Variants in FAM120A observed in about 807,000 individuals in gnomAD.
FAM120A encodes family with sequence similarity 120 member A, also known as constitutive coactivator of PPAR-gamma-like protein 1.
In FAM120A, 15 loss-of-function variants were observed where a neutral mutation model predicts 109.7. That is an observed-to-expected ratio of 0.14 (90% CI 0.09 to 0.21). The LOEUF is 0.21. Ranked by LOEUF, FAM120A falls within the 10% of genes least tolerant of loss-of-function variation. FAM120A has a pLI of 1.00. For synonymous variants in FAM120A, 493 were observed against 572.8 expected (o/e 0.86, Z 1.99); for missense variants, 899 against 1,439.3 (o/e 0.62, Z 6.07).
At chr9:93,550,503 C>A in intron 11 of FAM120A, 74 bp from the exon 12 acceptor site, 1 of 1,065,046 alleles carries the variant, frequency 9.4e-7, no homozygotes, top group Non-Finnish European at 1.4e-6. Flanking sequence ...TTACCTAGAA[C>A]CTCCCACTGG....
chr9:93,559,121 AG>A (rs1862391865), intron 15 of FAM120A, among the ~76,000 whole-genome samples: 1 of 152,258 alleles, frequency 6.6e-6, no homozygotes, highest in South Asian at 2.1e-4. Flanking sequence ...TGACATAAAA[AG>A]TCTGTCACAG....
intron 5 of FAM120A, among the ~76,000 whole-genome samples, chr9:93,507,479 C>T (rs1860112266): frequency 6.6e-6 from 1 of 152,088 alleles, no homozygotes; most frequent in Non-Finnish European, 1.5e-5. Context: ...CATTAGAATG[C>T]ACAGGTGAAA....
At chr9:93,503,946 T>TG (rs1197958356) in intron 5 of FAM120A, among the ~76,000 whole-genome samples, 1 of 152,166 alleles carries the variant, frequency 6.6e-6, no homozygotes, top group African/African-American at 2.4e-5. Context: ...GAGTTACCGT[T>TG]GCCCCTACAG....
intron 5 of FAM120A, among the ~76,000 whole-genome samples, chr9:93,505,352 G>T (rs914581620): frequency 2.6e-5 from 4 of 152,088 alleles, no homozygotes; most frequent in Admixed American, 2.0e-4. Context: ...GAGCCACTGC[G>T]CCCGGCCTGT....
chr9:93,529,902 A>C, intron 9 of FAM120A: 2 of 541,724 alleles, frequency 3.7e-6, no homozygotes, highest in East Asian at 3.1e-5. Flanking sequence ...ATTTTCTTAA[A>C]CCATATTTGT....
intron 1 of FAM120A, among the ~76,000 whole-genome samples, chr9:93,468,241 CT>C (rs1387078640): frequency 6.6e-6 from 1 of 152,136 alleles, no homozygotes; most frequent in Non-Finnish European, 1.5e-5. Context: ...TAGACTGTAT[CT>C]TACTAGTTTT....
chr9:93,551,283 T>A (rs1862086708), intron 12 of FAM120A, among the ~76,000 whole-genome samples: 1 of 152,238 alleles, frequency 6.6e-6, no homozygotes, highest in Admixed American at 6.5e-5. Context: ...TTTAATTGTT[T>A]TGACAATATT....
Position 93,498,890 on chromosome 9 carries a change from A to G in FAM120A, c.1030+4A>G. ...TTTCATCCACCACATTACTTAGGTA[A>G]GTAAATAAAAGCCTGTGATCAATAT... On this transcript the variant is annotated splice_donor_region_variant and intron_variant, in intron 5 of 17. Transcript: ENST00000277165. The surrounding 1 kb of genome is among the most constrained non-coding windows in gnomAD (Gnocchi z 4.4). The G allele has an allele frequency of 6.7e-7, 1 of 1,495,232 alleles. No homozygotes were observed. The highest frequency in any genetic ancestry group is 9.3e-7 in the Non-Finnish European group (1 of 1,071,670). The allele number at this position is 1,495,232 out of a possible 1,614,324, so 92.6% of individuals were successfully genotyped here.
In FAM120A at chr9:93,498,930, T is replaced by C; in HGVS notation, c.1030+44T>C. 1.8e-6 allele frequency: 2 copies of C among 1,117,744 alleles called. No individual in the cohort carries two copies. The highest frequency in any genetic ancestry group is 2.7e-6 in the Non-Finnish European group (2 of 732,340). 69.2% of individuals were successfully genotyped at this position (1,117,744 alleles called of 1,614,324 possible). ...GTGATCAATATTGACCATATGATAATCCAAGTAGGTTTAAATATTCACCAT... is the reference window on the plus strand; with the variant it reads ...GTGATCAATATTGACCATATGATAACCCAAGTAGGTTTAAATATTCACCAT... On this transcript the variant is annotated intron_variant, in intron 5 of 17. Transcript: ENST00000277165. The surrounding 1 kb of genome is among the most constrained non-coding windows in gnomAD (Gnocchi z 4.4).
intron 1 of FAM120A, among the ~76,000 whole-genome samples, chr9:93,454,640 C>T (rs1289431794): frequency 1.3e-5 from 2 of 152,156 alleles, no homozygotes; most frequent in Non-Finnish European, 2.9e-5. Context: ...AAAAAGCAAA[C>T]ATAATTCTGG....
intron 1 of FAM120A, among the ~76,000 whole-genome samples, chr9:93,464,967 T>C (rs1466900846): frequency 6.6e-6 from 1 of 152,228 alleles, no homozygotes; most frequent in Non-Finnish European, 1.5e-5. Context: ...CATTGTATTA[T>C]GCCCAGTCCA....
At position 93,471,253 on chromosome 9, in the gene FAM120A, A is replaced by G. The variant is rs1858300506; in HGVS notation, c.587A>G (p.Tyr196Cys). The part of the protein sequence containing the change: ...DSDYALCNIP[Y>C]YFSAHALKLS... ...GATTATGCACTGTGCAACATCCCCTACTATTTCAGTGCCCATGCCCTAAAA... is the reference window on the plus strand; with the variant it reads ...GATTATGCACTGTGCAACATCCCCTGCTATTTCAGTGCCCATGCCCTAAAA... The change falls in exon 2 of 18, where the codon TAC becomes TGC. Residue 196 changes from tyrosine to cysteine, a missense_variant. By Grantham distance (194) the Tyr-to-Cys change is radical. Coordinates refer to ENST00000277165, the MANE Select transcript of FAM120A (RefSeq NM_014612.5). 5 of 1,614,152 alleles carry G rather than the reference A, an allele frequency of 3.1e-6. No homozygotes were observed. Among genetic ancestry groups the G allele is most frequent in the Non-Finnish European group, 4.2e-6 (5 of 1,180,040 alleles).
chr9:93,562,670 T>TC (rs1370918412), intron 17 of FAM120A, among the ~76,000 whole-genome samples: 1 of 148,582 alleles, frequency 6.7e-6, no homozygotes, highest in Non-Finnish European at 1.5e-5. Context: ...TTTTTCTTTT[T>TC]TTTTTTTTTT....
At position 93,557,967 on chromosome 9, in the gene FAM120A, T is replaced by C. The variant is rs757667008; in HGVS notation, c.2625T>C (p.Phe875=). The part of the protein sequence containing the change: ...FYPASAYPRH[F]GPVPPSQGRG... ...CTGCCTCTGCGTACCCCCGGCACTT[T>C]GGGCCTGTCCCACCCTCTCAGGGCA... Residue 875 remains phenylalanine (F), a synonymous_variant, in exon 14 of 18, where the codon TTT becomes TTC. Transcript: ENST00000277165. 2 of 1,603,734 alleles carry C rather than the reference T, an allele frequency of 1.2e-6. No homozygotes were observed. Among genetic ancestry groups the C allele is most frequent in the South Asian group, 2.2e-5 (2 of 90,840 alleles).
chr9:93,556,721 G>A (rs1474478271), intron 13 of FAM120A, 130 bp downstream of exon 13: 2 of 845,724 alleles, frequency 2.4e-6, no homozygotes, highest in Non-Finnish European at 3.7e-6. Context: ...GCCTGGTACT[G>A]AGTGTCACTA....
intron 2 of FAM120A, among the ~76,000 whole-genome samples, chr9:93,472,575 G>A (rs988539603): frequency 3.9e-5 from 6 of 152,156 alleles, no homozygotes; most frequent in African/African-American, 1.4e-4. Context: ...GTGCTCCCTT[G>A]CAGTATATAT....
intron 1 of FAM120A, among the ~76,000 whole-genome samples, chr9:93,453,810 C>G (rs1283589040): frequency 6.6e-6 from 1 of 152,190 alleles, no homozygotes; most frequent in Non-Finnish European, 1.5e-5. Context: ...CTGAAGCGAT[C>G]CATCTCCCTA....
intron 1 of FAM120A, among the ~76,000 whole-genome samples, chr9:93,458,461 G>A (rs746647390): frequency 2.0e-5 from 3 of 151,970 alleles, no homozygotes; most frequent in African/African-American, 7.3e-5. Flanking sequence ...CATCCTCCCA[G>A]TCCCTAGAAT....
chr9:93,484,652 C>A (rs1395768391), intron 3 of FAM120A, among the ~76,000 whole-genome samples: 2 of 152,164 alleles, frequency 1.3e-5, no homozygotes, highest in Non-Finnish European at 2.9e-5. Context: ...TGGCTTACTG[C>A]AACCTCTGCT....
Sources: gnomAD v4.1 joint callset for allele counts (sites outside exome capture counted in the v4.1 genomes callset) on GRCh38, gnomAD v4.1.1 for gene constraint, Gnocchi (gnomAD v3.1) non-coding constraint, MANE v1.5 for transcripts, NCBI Gene and HGNC (gene_info 2026-07-23, HGNC 2026-07-21) for gene names.